DNAJC3: variants seen among roughly 807,000 people sequenced by gnomAD.
The protein encoded by DNAJC3 is dnaJ homolog subfamily C member 3.
Under a neutral mutation model 68.6 loss-of-function variants are expected in DNAJC3, and 38 were observed. The ratio of observed to expected loss-of-function variants is 0.55; its 90% CI spans 0.43 to 0.73. The LOEUF is 0.73. Among genes scored for constraint, DNAJC3 ranks in the 30% least tolerant of loss-of-function variants. The pLI, the probability that DNAJC3 is intolerant of heterozygous loss-of-function variation, is 0.00. For missense variants in DNAJC3, 526 were observed against 591.9 expected (o/e 0.89, Z 1.16); for synonymous variants, 203 against 204.0 (o/e 1.00, Z 0.04).
In DNAJC3 at chr13:95,793,326, C is replaced by G. The variant is rs1351006342; in HGVS notation, c.*2296C>G. The G allele has an allele frequency of 1.3e-5, 2 of 152,070 alleles. No individual in the cohort carries two copies. Among genetic ancestry groups the G allele is most frequent in the Non-Finnish European group, 2.9e-5 (2 of 68,028 alleles). 9.4% of individuals were successfully genotyped at this position (152,070 alleles called of 1,614,324 possible). A position where few individuals can be genotyped will look rare whatever the true frequency, so the allele number is the denominator to read the frequency against. Reference sequence around the variant, plus strand: ...TCTGGTGTCCACCCAAACGGAGAGACAGTCACTCCTGCTTACCCTAATGTG... The same window carrying G: ...TCTGGTGTCCACCCAAACGGAGAGAGAGTCACTCCTGCTTACCCTAATGTG... On this transcript the variant is annotated 3_prime_UTR_variant, in exon 12 of 12. Coordinates refer to ENST00000602402, the MANE Select transcript of DNAJC3 (RefSeq NM_006260.5).
intron 4 of DNAJC3, among the ~76,000 whole-genome samples, chr13:95,738,702 T>G (rs904656956): frequency 7.2e-5 from 11 of 152,228 alleles, no homozygotes; most frequent in Middle Eastern, 3.2e-3. Context: ...CCTTTTATTT[T>G]GGGCTTATGT....
rs540932335 is a variant in DNAJC3 at position 95,716,015 on chromosome 13, G to A, written c.193+6678G>A. Among the ~76,000 whole-genome samples, 11 of 151,966 alleles carry A rather than the reference G, an allele frequency of 7.2e-5. No homozygotes were observed. In the East Asian group the frequency reaches 1.4e-3, roughly 19 times the overall value. On this transcript the variant is annotated intron_variant, in intron 2 of 11. Transcript: ENST00000602402. ...CTACTAAAAATACAAAAAGTTAACC[G>A]GGCGTGGTGGCAGGTGCCTGTAATC...
At chr13:95,681,435 T>C (rs957696157) in intron 1 of DNAJC3, among the ~76,000 whole-genome samples, 2 of 152,202 alleles carry the variant, frequency 1.3e-5, no homozygotes, top group Admixed American at 6.5e-5. Context: ...AATGTAGGCT[T>C]GACCTCCTGG....
chr13:95,726,779 TTTA>T (rs1286123923), intron 4 of DNAJC3, among the ~76,000 whole-genome samples: 6 of 152,212 alleles, frequency 3.9e-5, no homozygotes, highest in African/African-American at 1.4e-4. Flanking sequence ...TAAGCCACTG[TTTA>T]TTATTTGCAT....
intron 9 of DNAJC3, among the ~76,000 whole-genome samples, chr13:95,764,370 TC>T (rs1882912327): frequency 7.2e-6 from 1 of 139,452 alleles, no homozygotes; most frequent in African/African-American, 3.1e-5. Context: ...TCTCTCTCTC[TC>T]TCTCTATATA....
intron 1 of DNAJC3, among the ~76,000 whole-genome samples, chr13:95,697,162 C>T (rs1880463458): frequency 6.6e-6 from 1 of 152,110 alleles, no homozygotes; most frequent in Non-Finnish European, 1.5e-5. Flanking sequence ...CAAACATCAT[C>T]CTTTTGTTTC....
At chr13:95,706,989 A>G (rs149614360) in intron 1 of DNAJC3, among the ~76,000 whole-genome samples, 1,958 of 152,138 alleles carry the variant, frequency 0.013, 49 homozygotes, top group African/African-American at 0.045. Context: ...GCAGTCCCCA[A>G]CCTTTTTGGC....
rs560197806 is a variant in DNAJC3, at chr13:95,785,654, G to A, written c.1076-285G>A. Among the ~76,000 whole-genome samples, 15 of 150,742 alleles carry A rather than the reference G, an allele frequency of 1.0e-4. No individual in the cohort carries two copies. In the East Asian group the frequency reaches 2.2e-3, roughly 22 times the overall value. On this transcript the variant is annotated intron_variant, in intron 9 of 11. Coordinates refer to ENST00000602402, the MANE Select transcript of DNAJC3 (RefSeq NM_006260.5). ...TTGTGTTTTTTTTTTTAGTAGAGACGGGGTTTCATTGTGTTGGCCAGGCTG... is the reference window on the plus strand; with the variant it reads ...TTGTGTTTTTTTTTTTAGTAGAGACAGGGTTTCATTGTGTTGGCCAGGCTG...
rs2139705961 is a variant in DNAJC3, at chr13:95,793,409, T to G, written c.*2379T>G. 6.6e-6 allele frequency: 1 copy of G among 152,008 alleles called. No homozygotes were observed. The highest frequency in any genetic ancestry group is 1.5e-5 in the Non-Finnish European group (1 of 68,020). The allele number at this position is 152,008 out of a possible 1,614,324, so 9.4% of individuals were successfully genotyped here. ...TAGTCATTCCCCCTGCCTGTCTCAC[T>G]GTAGGGTAGCATTATCCACTGTAAA... On this transcript the variant is annotated 3_prime_UTR_variant, in exon 12 of 12. Coordinates refer to ENST00000602402, the MANE Select transcript of DNAJC3 (RefSeq NM_006260.5).
chr13:95,725,082 A>G (rs1015154564), intron 3 of DNAJC3, 96 bp from the exon 4 acceptor site: 6 of 750,110 alleles, frequency 8.0e-6, no homozygotes, highest in Non-Finnish European at 1.2e-5. Context: ...ATAAATATTT[A>G]TTAATAATTT....
At chr13:95,709,871 C>T (rs1485771923) in intron 2 of DNAJC3, among the ~76,000 whole-genome samples, 1 of 152,158 alleles carries the variant, frequency 6.6e-6, no homozygotes, top group Admixed American at 6.5e-5. Flanking sequence ...CATCTCCTGA[C>T]CTCGTGATCC....
At chr13:95,759,560 C>G (rs566330765) in intron 5 of DNAJC3, among the ~76,000 whole-genome samples, 5 of 152,262 alleles carry the variant, frequency 3.3e-5, no homozygotes, top group Admixed American at 3.3e-4. Flanking sequence ...TCAATGTGCC[C>G]AGCTAAGAAC....
At chr13:95,698,896 C>T (rs1305462483) in intron 1 of DNAJC3, among the ~76,000 whole-genome samples, 1 of 152,090 alleles carries the variant, frequency 6.6e-6, no homozygotes, top group Non-Finnish European at 1.5e-5. Context: ...GAAACCTGAC[C>T]CTGAAAGGTG....
intron 4 of DNAJC3, among the ~76,000 whole-genome samples, chr13:95,728,743 C>T (rs1881608200): frequency 6.6e-6 from 1 of 152,156 alleles, no homozygotes; most frequent in African/African-American, 2.4e-5. Flanking sequence ...CATGCATAGA[C>T]TGTGTGATGA....
At chr13:95,721,649 T>C (rs906483034) in intron 2 of DNAJC3, among the ~76,000 whole-genome samples, 2 of 152,046 alleles carry the variant, frequency 1.3e-5, no homozygotes, top group African/African-American at 4.8e-5. Flanking sequence ...TGTTTTTTTT[T>C]TTTTGGTTTT....
At position 95,705,520 on chromosome 13, in the gene DNAJC3, C is replaced by CT. The variant is rs1174965850; in HGVS notation, c.83-3693dup. Among the ~76,000 whole-genome samples the CT allele has an allele frequency of 6.6e-3, 944 of 142,044 alleles. 11 individuals carry two copies. Among genetic ancestry groups the CT allele is most frequent in the African/African-American group, 0.022 (819 of 38,066 alleles). The allele number at this position is 142,044 out of a possible 152,430, so 93.2% of individuals were successfully genotyped here. A position where few individuals can be genotyped will look rare whatever the true frequency, so the allele number is the denominator to read the frequency against. ...TACATTTCTCCCTCTCTCTCTCTCTCTTTTTTTTTTTTTTAATTTTGTTTC... is the reference window on the plus strand; with the variant it reads ...TACATTTCTCCCTCTCTCTCTCTCTCTTTTTTTTTTTTTTTAATTTTGTTTC... On this transcript the variant is annotated intron_variant, in intron 1 of 11. Coordinates refer to ENST00000602402, the MANE Select transcript of DNAJC3 (RefSeq NM_006260.5).
intron 4 of DNAJC3, among the ~76,000 whole-genome samples, chr13:95,750,397 A>G (rs1427792776): frequency 6.6e-6 from 1 of 152,168 alleles, no homozygotes; most frequent in Non-Finnish European, 1.5e-5. Flanking sequence ...AAAGCTCTCA[A>G]TAAGTGTTTT....
chr13:95,760,653 T>C, intron 6 of DNAJC3, 26 bp from the exon 7 acceptor site: 3 of 1,588,576 alleles, frequency 1.9e-6, no homozygotes, highest in Non-Finnish European at 2.6e-6. Context: ...ACATGGAGTA[T>C]TTTCCTTTTT....
At chr13:95,706,710 G>A (rs1179625092) in intron 1 of DNAJC3, among the ~76,000 whole-genome samples, 1 of 152,086 alleles carries the variant, frequency 6.6e-6, no homozygotes, top group Non-Finnish European at 1.5e-5. Flanking sequence ...AGACTCAGAC[G>A]GACTTGGGGG....
Sources: allele counts gnomAD v4.1 joint callset (sites outside exome capture counted in the v4.1 genomes callset), GRCh38; gene constraint gnomAD v4.1.1; transcripts MANE v1.5; gene names NCBI Gene and HGNC (gene_info 2026-07-23, HGNC 2026-07-21).